The following TRIM62 variants were observed in gnomAD, a reference collection of about 807,000 sequenced individuals.
TRIM62 encodes the protein tripartite motif containing 62.
Under a neutral mutation model 44.2 loss-of-function variants are expected in TRIM62, and 39 were observed. The observed-to-expected ratio is 0.88, with a 90% CI of 0.68 to 1.15. The LOEUF is 1.15. TRIM62 is among the 50% of genes most tolerant of loss of function. The pLI is 0.00. For missense variants in TRIM62, 544 were observed against 665.5 expected, an observed-to-expected ratio of 0.82 and a Z score of 2.01; for synonymous variants, 278 against 292.3, an observed-to-expected ratio of 0.95 and a Z score of 0.50.
chr1:33,176,395 A>G (rs1645419411), intron 1 of TRIM62: 1 of 695,112 alleles, frequency 1.4e-6, no homozygotes, highest in East Asian at 2.7e-5. Context: ...CTGGATCACC[A>G]TACCCTGCCT....
rs1004269274 is a variant in TRIM62, at chr1:33,161,680, C to T, written c.505-1736G>A. Among the ~76,000 whole-genome samples, 4 of 152,108 alleles carry T rather than the reference C, an allele frequency of 2.6e-5. No individual in the cohort carries two copies. The highest frequency in any genetic ancestry group is 9.7e-5 in the African/African-American group (4 of 41,426). On this transcript the variant is annotated intron_variant, in intron 2 of 4. Transcript: ENST00000291416. The surrounding 1 kb of genome is among the most constrained non-coding windows in gnomAD (Gnocchi z 4.3). ...CCGGGGAGGGTGGAGGCCTCTGCAG[C>T]GGCATGTTGCTGATGGGGAAGATGG...
chr1:33,149,877 C>T (rs1645072877), intron 4 of TRIM62, among the ~76,000 whole-genome samples: 1 of 152,214 alleles, frequency 6.6e-6, no homozygotes, highest in Admixed American at 6.5e-5. Context: ...TCTAATGGGG[C>T]TCTCCCTTGT....
intron 4 of TRIM62, among the ~76,000 whole-genome samples, chr1:33,150,863 G>A (rs1645086737): frequency 6.6e-6 from 1 of 152,168 alleles, no homozygotes; most frequent in Non-Finnish European, 1.5e-5. Context: ...AGGTGTGACA[G>A]TGGAGGGGCA....
rs1245846864 is a variant in TRIM62 at position 33,147,982 on chromosome 1, C to T, written c.878-255G>A. On this transcript the variant is annotated intron_variant, in intron 4 of 4. Coordinates refer to ENST00000291416, the MANE Select transcript of TRIM62 (RefSeq NM_018207.3). The surrounding 1 kb of genome is among the most constrained non-coding windows in gnomAD (Gnocchi z 8.1). Reference sequence around the variant, plus strand: ...AGCTGCTTGTTCACTGCCTGATGCCCAGGGCGGAGCACATAGTGGGCACTG... The same window carrying T: ...AGCTGCTTGTTCACTGCCTGATGCCTAGGGCGGAGCACATAGTGGGCACTG... 6.6e-6 allele frequency among the ~76,000 whole-genome samples: 1 copy of T among 152,168 alleles called. No homozygotes were observed. Among genetic ancestry groups the T allele is most frequent in the Non-Finnish European group, 1.5e-5 (1 of 68,026 alleles).
At chr1:33,158,870 C>T (rs552618506) in intron 3 of TRIM62, among the ~76,000 whole-genome samples, 17 of 149,910 alleles carry the variant, frequency 1.1e-4, no homozygotes, top group African/African-American at 3.4e-4. Context: ...GACAGAGTTT[C>T]GCTCTTATTG....
At chr1:33,150,292 TCTCCCTA>T (rs199553858) in intron 4 of TRIM62, among the ~76,000 whole-genome samples, 2,496 of 152,286 alleles carry the variant, frequency 0.016, 62 homozygotes, top group African/African-American at 0.056. Flanking sequence ...GCTGGAGCAT[TCTCCCTA>T]CTTCAGTTGC....
Position 33,145,920 on chromosome 1 carries a change from C to T in TRIM62, c.*1257G>A, listed in dbSNP as rs1290154466. ...AAGGTTCTGGATCTGACTTAAGTTC[C>T]CCCAAACAGAATCTCTTGTAAAAAT... is the stretch of plus-strand genomic sequence containing the variant. On this transcript the variant is annotated 3_prime_UTR_variant, in exon 5 of 5. Transcript: ENST00000291416. The T allele has an allele frequency of 1.7e-5, 8 of 471,082 alleles. No individual in the cohort carries two copies. In the East Asian group the frequency reaches 4.9e-4, roughly 29 times the overall value. 29.2% of individuals were successfully genotyped at this position (471,082 alleles called of 1,614,324 possible). A position where few individuals can be genotyped will look rare whatever the true frequency, so the allele number is the denominator to read the frequency against.
In TRIM62 at chr1:33,147,156, T is replaced by A; in HGVS notation, c.*21A>T. On this transcript the variant is annotated 3_prime_UTR_variant, in exon 5 of 5. Coordinates refer to ENST00000291416, the MANE Select transcript of TRIM62 (RefSeq NM_018207.3). This position sits in a 1 kb window ranked among gnomAD's most constrained non-coding sequence, Gnocchi z 8.1. Reference sequence around the variant, plus strand: ...GCAGGTGGCAGTGGTCCCAGGAGGTTGTGGTCTCCTTCTGCCTGGACTAGA... The same window carrying A: ...GCAGGTGGCAGTGGTCCCAGGAGGTAGTGGTCTCCTTCTGCCTGGACTAGA... 1 of 1,607,938 alleles carries A rather than the reference T, an allele frequency of 6.2e-7. No individual in the cohort carries two copies. The highest frequency in any genetic ancestry group is 8.5e-7 in the Non-Finnish European group (1 of 1,176,528).
Position 33,159,602 on chromosome 1 carries a change from G to T in TRIM62, c.761+86C>A. The T allele has an allele frequency of 6.7e-7, 1 of 1,484,112 alleles. No homozygotes were observed. The highest frequency in any genetic ancestry group is 9.0e-7 in the Non-Finnish European group (1 of 1,113,684). The allele number at this position is 1,484,112 out of a possible 1,614,324, so 91.9% of individuals were successfully genotyped here. A position where few individuals can be genotyped will look rare whatever the true frequency, so the allele number is the denominator to read the frequency against. On this transcript the variant is annotated intron_variant, in intron 3 of 4. Transcript: ENST00000291416. The surrounding 1 kb of genome is among the most constrained non-coding windows in gnomAD (Gnocchi z 4.2). ...TTGAATGAAAGAATTCTCTGCTAAG[G>T]ATCCCATCTGCCTCCACTCCCACTG...
At chr1:33,175,001 G>GTATCTATATGTATATGTATATGTA (rs56292337) in intron 1 of TRIM62, among the ~76,000 whole-genome samples, 1 of 135,646 alleles carries the variant, frequency 7.4e-6, no homozygotes, top group African/African-American at 2.9e-5. Context: ...ACACACACAT[G>GTATCTATATGTATATGTATATGTA]TATGTATATG....
At chr1:33,160,206 G>A (rs972228220) in intron 2 of TRIM62, among the ~76,000 whole-genome samples, 3 of 152,048 alleles carry the variant, frequency 2.0e-5, no homozygotes, top group Non-Finnish European at 2.9e-5. Flanking sequence ...TGAGGAACAC[G>A]GTTTGAGAAA....
intron 1 of TRIM62, chr1:33,166,300 A>G (rs1223255269): frequency 6.6e-6 from 1 of 152,160 alleles, no homozygotes. Context: ...AATAAATGTA[A>G]TGTGCTTGAA....
chr1:33,154,887 A>T (rs1277814409), intron 4 of TRIM62, among the ~76,000 whole-genome samples: 5 of 151,418 alleles, frequency 3.3e-5, no homozygotes, highest in Non-Finnish European at 7.4e-5. Flanking sequence ...AGGTCAGGAG[A>T]TCGAGACCAT....
chr1:33,158,206 T>G, intron 4 of TRIM62, 47 bp downstream of exon 4: 2 of 1,566,458 alleles, frequency 1.3e-6, no homozygotes, highest in Non-Finnish European at 8.8e-7. Flanking sequence ...TGGGCTGTGC[T>G]GGGACATGCC....
In TRIM62 at chr1:33,181,048, C is replaced by A; in HGVS notation, c.385G>T (p.Asp129Tyr). 6.5e-7 allele frequency: 1 copy of A among 1,548,814 alleles called. No individual in the cohort carries two copies. Among genetic ancestry groups the A allele is most frequent in the South Asian group, 1.1e-5 (1 of 90,068 alleles). The change falls in exon 1 of 5, where the codon GAC becomes TAC. Residue 129 changes from aspartate to tyrosine, a missense_variant. Coordinates refer to ENST00000291416, the MANE Select transcript of TRIM62 (RefSeq NM_018207.3). This position sits in a 1 kb window ranked among gnomAD's most constrained non-coding sequence, Gnocchi z 6.5. The part of the protein sequence containing the change: ...LHEQHQVTGI[D>Y]DAFDELQREL... ...ACCTGCAGCTCGTCGAAGGCGTCGTCGATGCCGGTGACCTGATGCTGCTCG... is the reference window on the plus strand; with the variant it reads ...ACCTGCAGCTCGTCGAAGGCGTCGTAGATGCCGGTGACCTGATGCTGCTCG...
intron 1 of TRIM62, among the ~76,000 whole-genome samples, chr1:33,173,176 A>G (rs1032087604): frequency 2.0e-5 from 3 of 152,064 alleles, no homozygotes; most frequent in Admixed American, 6.6e-5. Flanking sequence ...ATTATTTTAT[A>G]TCTTTGAGCC....
chr1:33,150,544 G>A (rs1008010712), intron 4 of TRIM62, among the ~76,000 whole-genome samples: 2 of 152,230 alleles, frequency 1.3e-5, no homozygotes, highest in Admixed American at 6.5e-5. Flanking sequence ...TTAGCCTTGT[G>A]AATAGAGGGG....
At chr1:33,172,992 C>G (rs535716344) in intron 1 of TRIM62, among the ~76,000 whole-genome samples, 1 of 152,316 alleles carries the variant, frequency 6.6e-6, no homozygotes, top group Admixed American at 6.5e-5. Context: ...AATAGGTGCT[C>G]AAGCCTCTCC....
At chr1:33,150,405 G>C (rs1645080310) in intron 4 of TRIM62, among the ~76,000 whole-genome samples, 1 of 152,230 alleles carries the variant, frequency 6.6e-6, no homozygotes, top group Non-Finnish European at 1.5e-5. Context: ...CTGTGCCTCT[G>C]TTCATATACC....
Sources: gnomAD v4.1 joint callset for allele counts (sites outside exome capture counted in the v4.1 genomes callset) on GRCh38, gnomAD v4.1.1 for gene constraint, Gnocchi (gnomAD v3.1) non-coding constraint, MANE v1.5 for transcripts, NCBI Gene and HGNC (gene_info 2026-07-23, HGNC 2026-07-21) for gene names.